The following XG variants were observed in gnomAD, a reference collection of about 807,000 sequenced individuals.
XG encodes the protein glycoprotein Xg.
XG carries 24 observed loss-of-function variants against 25.7 expected under a neutral mutation model. The observed-to-expected ratio is 0.93, with a 90% CI of 0.68 to 1.31. XG has a LOEUF of 1.31. Among genes scored for constraint, XG ranks in the 40% most tolerant of loss-of-function variants. The pLI is 0.00. For synonymous variants in XG, 77 were observed against 69.2 expected, an observed-to-expected ratio of 1.11 and a Z score of -0.56; for missense variants, 181 against 187.6, an observed-to-expected ratio of 0.96 and a Z score of 0.21.
At chrX:2,793,159 C>T (rs2086852832) in intron 5 of XG, among the ~76,000 whole-genome samples, 1 of 111,637 alleles carries the variant, frequency 9.0e-6, no homozygotes, top group African/African-American at 3.3e-5. Flanking sequence ...CCGCCTCCAC[C>T]TCCCAAAGTG....
intron 4 of XG, 58 bp downstream of exon 4, chrX:2,782,186 T>C: frequency 8.7e-7 from 1 of 1,152,208 alleles, no homozygotes; most frequent in Non-Finnish European, 1.2e-6. Flanking sequence ...GTTTGCCTTT[T>C]TATTTACTAG....
rs754968433 is a variant in XG, at chrX:2,766,719, C to A, written c.62-3831C>A. On this transcript the variant is annotated intron_variant, in intron 1 of 10. Transcript: ENST00000644266. ...AGCTGGGACTACAGGCGCCCGCCAC[C>A]ACACCCGGCTAATTTTTTTGTATTT... Among the ~76,000 whole-genome samples the A allele has an allele frequency of 8.5e-4, 128 of 151,240 alleles. 1 individual carries two copies. Among genetic ancestry groups the A allele is most frequent in the South Asian group, 2.1e-3 (10 of 4,774 alleles).
At chrX:2,762,030 A>C (rs2050577161) in intron 1 of XG, among the ~76,000 whole-genome samples, 1 of 152,124 alleles carries the variant, frequency 6.6e-6, no homozygotes. Flanking sequence ...GCCCAGACAG[A>C]CCTGCTGAAG....
At chrX:2,795,920 C>T (rs773730501) in intron 6 of XG, among the ~76,000 whole-genome samples, 2 of 110,488 alleles carry the variant, frequency 1.8e-5, no homozygotes, top group African/African-American at 3.3e-5. Flanking sequence ...CCTCTCAAAG[C>T]GTTGGGATTA....
chrX:2,803,712 T>G (rs2086966204), intron 7 of XG, among the ~76,000 whole-genome samples: 1 of 111,306 alleles, frequency 9.0e-6, no homozygotes, highest in Middle Eastern at 4.2e-3. Flanking sequence ...GTGCAGAGGC[T>G]GCAAAATGTC....
intron 7 of XG, among the ~76,000 whole-genome samples, chrX:2,806,461 CTA>C (rs1338904362): frequency 9.0e-6 from 1 of 111,007 alleles, no homozygotes; most frequent in African/African-American, 3.3e-5. Context: ...CTTTGCCCAT[CTA>C]TGTCAGGCCT....
chrX:2,794,390 T>C lies in XG; in HGVS notation c.254-145T>C, dbSNP rs1183895367. On this transcript the variant is annotated intron_variant, in intron 5 of 10. Transcript: ENST00000644266. ...CCAGCCCACAAGGTAATTTAATTCC[T>C]GGTGCCTGTGGGCGTCCTGCAAAGA... The C allele has an allele frequency of 4.9e-6, 3 of 606,930 alleles. No individual in the cohort carries two copies. The Admixed American group carries it at 1.2e-4, about 25-fold the overall frequency. The allele number at this position is 606,930 out of a possible 1,213,427, so 50.0% of individuals were successfully genotyped here.
At chrX:2,801,827 G>A (rs1418124897) in intron 7 of XG, among the ~76,000 whole-genome samples, 1 of 110,987 alleles carries the variant, frequency 9.0e-6, no homozygotes, top group Non-Finnish European at 1.9e-5. Flanking sequence ...TCCTGCCTCA[G>A]CCTCCCGAGT....
chrX:2,811,436 T>C lies in XG; in HGVS notation c.555T>C (p.Asn185=), dbSNP rs1367332754. ...ATTTCAAACTAAACAATAGGAGAAA[T>C]TGTTTCAGGACCCATGGTAAGTTTG... The part of the protein sequence containing the change: ...ASYFKLNNRR[N]CFRTHEPENV The change falls in exon 10 of 11, where the codon AAT becomes AAC. Residue 185 remains asparagine, a synonymous_variant. Coordinates refer to ENST00000644266, the MANE Select transcript of XG (RefSeq NM_001141919.2). The C allele has an allele frequency of 1.2e-5, 14 of 1,200,507 alleles. No individual in the cohort carries two copies. The highest frequency in any genetic ancestry group is 1.5e-5 in the Non-Finnish European group (13 of 889,642).
intron 7 of XG, among the ~76,000 whole-genome samples, chrX:2,797,715 C>T (rs995779846): frequency 2.7e-5 from 3 of 110,861 alleles, no homozygotes; most frequent in Non-Finnish European, 5.7e-5. Flanking sequence ...GGGCGCAGCT[C>T]GCTTACTTCA....
intron 1 of XG, among the ~76,000 whole-genome samples, chrX:2,756,967 G>A (rs1390088025): frequency 1.3e-5 from 2 of 152,098 alleles, no homozygotes; most frequent in African/African-American, 4.8e-5. Flanking sequence ...CTTGGTACCC[G>A]GGTTCTTGTC....
At chrX:2,783,699 GC>G (rs758891124) in intron 4 of XG, among the ~76,000 whole-genome samples, 6 of 112,850 alleles carry the variant, frequency 5.3e-5, no homozygotes, top group Non-Finnish European at 3.8e-5. Context: ...CTCAGGCCGG[GC>G]GTGGGGGCTC....
chrX:2,782,292 C>G (rs746608067), intron 4 of XG, among the ~76,000 whole-genome samples, 164 bp downstream of exon 4: 1 of 112,445 alleles, frequency 8.9e-6, no homozygotes, highest in Admixed American at 9.5e-5. Context: ...GAAAGTCCAA[C>G]GGACAGAAAC....
At chrX:2,809,895 C>A (rs1401850944) in intron 9 of XG, among the ~76,000 whole-genome samples, 1 of 112,141 alleles carries the variant, frequency 8.9e-6, no homozygotes, top group East Asian at 2.8e-4. Context: ...GAGAAGCGTG[C>A]CTGGGCTTAG....
chrX:2,769,928 A>G (rs1032378641), intron 1 of XG, among the ~76,000 whole-genome samples: 22 of 150,496 alleles, frequency 1.5e-4, no homozygotes, highest in African/African-American at 4.6e-4. Context: ...TATGCTCCAT[A>G]TAGTCTCTCA....
At chrX:2,763,489 G>A (rs2050609810) in intron 1 of XG, among the ~76,000 whole-genome samples, 1 of 151,864 alleles carries the variant, frequency 6.6e-6, no homozygotes, top group South Asian at 2.1e-4. Flanking sequence ...GTGGGAGGGG[G>A]GTGGAAGGGG....
intron 3 of XG, among the ~76,000 whole-genome samples, chrX:2,778,366 G>C (rs1023389802): frequency 9.2e-5 from 14 of 152,012 alleles, no homozygotes; most frequent in African/African-American, 3.1e-4. Flanking sequence ...AACATAGTGA[G>C]ACCCCATCTT....
rs2087102300 is a variant in XG, at chrX:2,816,064, A to C, written c.*1684A>C. The C allele has an allele frequency of 8.9e-6, 1 of 112,271 alleles. No homozygotes were observed. The highest frequency in any genetic ancestry group is 3.2e-5 in the African/African-American group (1 of 30,980). The allele number at this position is 112,271 out of a possible 1,213,427, so 9.3% of individuals were successfully genotyped here. ...ATAAATCTCTTTTAAAGCTCAAGATAGACTATGAACATATGAAATACATAG... is the reference window on the plus strand; with the variant it reads ...ATAAATCTCTTTTAAAGCTCAAGATCGACTATGAACATATGAAATACATAG... On this transcript the variant is annotated 3_prime_UTR_variant, in exon 11 of 11. Coordinates refer to ENST00000644266, the MANE Select transcript of XG (RefSeq NM_001141919.2).
At chrX:2,785,166 G>A (rs1462943194) in intron 4 of XG, among the ~76,000 whole-genome samples, 3 of 112,155 alleles carry the variant, frequency 2.7e-5, no homozygotes, top group Non-Finnish European at 5.6e-5. Context: ...TCCTTGATCG[G>A]CCTTTTACTG....
Sources: allele counts gnomAD v4.1 joint callset (sites outside exome capture counted in the v4.1 genomes callset), GRCh38; gene constraint gnomAD v4.1.1; transcripts MANE v1.5; gene names NCBI Gene and HGNC (gene_info 2026-07-23, HGNC 2026-07-21).